The following NDUFA7 variants were observed in gnomAD, a reference collection of about 807,000 sequenced individuals.
NDUFA7 encodes NADH:ubiquinone oxidoreductase subunit A7.
NDUFA7 carries 18 observed loss-of-function variants against 14.2 expected under a neutral mutation model. That is an observed-to-expected ratio of 1.27 (90% CI 0.88 to 1.88). The LOEUF is 1.88. Ranked by LOEUF, NDUFA7 falls within the 40% of genes most tolerant of loss-of-function variation. NDUFA7 has a pLI of 0.00. For synonymous variants in NDUFA7, 75 were observed against 62.1 expected, an observed-to-expected ratio of 1.21 and a Z score of -0.98; for missense variants, 172 against 147.3, an observed-to-expected ratio of 1.17 and a Z score of -0.87.
intron 3 of NDUFA7, among the ~76,000 whole-genome samples, chr19:8,312,563 G>A (rs981714531): frequency 4.0e-5 from 6 of 151,214 alleles, no homozygotes; most frequent in East Asian, 3.9e-4. Flanking sequence ...TCACTGCAAC[G>A]TCCGCCTCCC....
chr19:8,321,203 G>A, intron 1 of NDUFA7, 105 bp downstream of exon 1: 1 of 1,334,686 alleles, frequency 7.5e-7, no homozygotes, highest in Non-Finnish European at 1.0e-6. Context: ...GAGATTCGGG[G>A]AGAGCGAAGG....
intron 1 of NDUFA7, 109 bp downstream of exon 1, chr19:8,321,199 C>G (rs1970304131): frequency 7.6e-7 from 1 of 1,318,974 alleles, no homozygotes; most frequent in East Asian, 2.5e-5. Context: ...CAGGGAGATT[C>G]GGGGAGAGCG....
chr19:8,309,260 G>A (rs532493245), downstream of NDUFA7, among the ~76,000 whole-genome samples: 7 of 152,138 alleles, frequency 4.6e-5, no homozygotes, highest in African/African-American at 1.7e-4. Context: ...GGATCACGAG[G>A]TCAGGAGTTC....
downstream of NDUFA7, chr19:8,308,979 G>A (rs1288465485): frequency 2.0e-5 from 3 of 151,512 alleles, no homozygotes; most frequent in Non-Finnish European, 4.4e-5. Context: ...CCAGCATTTT[G>A]GGAAGCAGAG....
At chr19:8,312,588 C>T (rs1334939911) in intron 3 of NDUFA7, among the ~76,000 whole-genome samples, 1 of 152,010 alleles carries the variant, frequency 6.6e-6, no homozygotes, top group Non-Finnish European at 1.5e-5. Flanking sequence ...TTGAGTGATT[C>T]TCTTGCCTCA....
downstream of NDUFA7, among the ~76,000 whole-genome samples, chr19:8,309,467 C>G (rs1390431464): frequency 1.3e-5 from 2 of 149,778 alleles, no homozygotes; most frequent in Admixed American, 1.3e-4. Flanking sequence ...GAGTGAGACT[C>G]TGTCTCAAAA....
downstream of NDUFA7, chr19:8,310,584 C>T (rs957758858): frequency 9.8e-5 from 15 of 152,310 alleles, no homozygotes; most frequent in African/African-American, 3.6e-4. Flanking sequence ...ACTCCCACCA[C>T]TCTCAAGGTC....
chr19:8,312,166 A>G (rs1367770121), intron 3 of NDUFA7, among the ~76,000 whole-genome samples: 1 of 152,210 alleles, frequency 6.6e-6, no homozygotes, highest in Admixed American at 6.5e-5. Flanking sequence ...GGGAGCCCCC[A>G]GGAGACCCTG....
intron 2 of NDUFA7, chr19:8,319,211 C>T (rs913565747): frequency 2.0e-5 from 3 of 152,044 alleles, no homozygotes; most frequent in Non-Finnish European, 2.9e-5. Flanking sequence ...AGCAAACTAC[C>T]ATGGCACGTT....
chr19:8,318,428 A>G (rs1039644115), intron 2 of NDUFA7, among the ~76,000 whole-genome samples: 2 of 151,444 alleles, frequency 1.3e-5, no homozygotes, highest in African/African-American at 4.8e-5. Context: ...GATTACAGGC[A>G]TGAGCCACCA....
intron 3 of NDUFA7, 48 bp from the exon 4 acceptor site, chr19:8,311,643 A>T: frequency 6.4e-7 from 1 of 1,554,216 alleles, no homozygotes; most frequent in South Asian, 1.1e-5. Context: ...AACAGTGTGG[A>T]AAGATCTGAG....
rs190248312 is a variant in NDUFA7, at chr19:8,313,017, G to C, written c.252-1422C>G. Among the ~76,000 whole-genome samples the C allele has an allele frequency of 1.2e-4, 18 of 152,162 alleles. No individual in the cohort carries two copies. In the East Asian group the frequency reaches 1.4e-3, roughly 11 times the overall value. On this transcript the variant is annotated intron_variant, in intron 3 of 3. Transcript: ENST00000301457. ...TCGCCCTGTTGGCCAGGCTGGTGTCGATCTCCTGACCCCTAGTGATCCTCT... is the reference window on the plus strand; with the variant it reads ...TCGCCCTGTTGGCCAGGCTGGTGTCCATCTCCTGACCCCTAGTGATCCTCT...
downstream of NDUFA7, among the ~76,000 whole-genome samples, chr19:8,309,953 C>A (rs1907216421): frequency 6.6e-6 from 1 of 152,220 alleles, no homozygotes; most frequent in Non-Finnish European, 1.5e-5. Flanking sequence ...ACAGCCCCAG[C>A]ATAATGGGAT....
chr19:8,311,304 T>G lies in NDUFA7; in HGVS notation c.*201A>C. Reference sequence around the variant, plus strand: ...CCTGTAATCCCAGCACTTTGGGAGGTCAAGGCAGGAGGATCGCTTGAGGCC... The same window carrying G: ...CCTGTAATCCCAGCACTTTGGGAGGGCAAGGCAGGAGGATCGCTTGAGGCC... On this transcript the variant is annotated 3_prime_UTR_variant, in exon 4 of 4. Coordinates refer to ENST00000301457, the MANE Select transcript of NDUFA7 (RefSeq NM_005001.5). The G allele has an allele frequency of 2.6e-6, 1 of 378,382 alleles. No homozygotes were observed. The highest frequency in any genetic ancestry group is 3.5e-5 in the South Asian group (1 of 28,330). 23.4% of individuals were successfully genotyped at this position (378,382 alleles called of 1,614,324 possible). A position where few individuals can be genotyped will look rare whatever the true frequency, so the allele number is the denominator to read the frequency against.
At chr19:8,316,944 T>C in intron 2 of NDUFA7, 1 of 264,044 alleles carries the variant, frequency 3.8e-6, no homozygotes, top group Non-Finnish European at 7.1e-6. Context: ...GCCCGGGACA[T>C]GTCCCCATGC....
chr19:8,316,728 A>G (rs1970240265), intron 2 of NDUFA7, 83 bp from the exon 3 acceptor site: 5 of 1,522,124 alleles, frequency 3.3e-6, no homozygotes, highest in Non-Finnish European at 3.6e-6. Flanking sequence ...CCTCAGTCAC[A>G]AAATGTGGGA....
chr19:8,312,509 C>T (rs1482296528), intron 3 of NDUFA7, among the ~76,000 whole-genome samples: 1 of 152,180 alleles, frequency 6.6e-6, no homozygotes, highest in Non-Finnish European at 1.5e-5. Flanking sequence ...GAGACAGACT[C>T]TTGCTCTGTC....
chr19:8,321,148 G>C, intron 1 of NDUFA7, 160 bp downstream of exon 1: 3 of 1,017,522 alleles, frequency 2.9e-6, no homozygotes, highest in Non-Finnish European at 4.2e-6. Flanking sequence ...CCCAGGCCAG[G>C]AGAGGGTCCC....
At chr19:8,320,018 G>T (rs972647359) in intron 2 of NDUFA7, among the ~76,000 whole-genome samples, 4 of 151,892 alleles carry the variant, frequency 2.6e-5, no homozygotes, top group African/African-American at 7.3e-5. Flanking sequence ...GCTAATTTTT[G>T]TATTTCTAGT....
Sources: gnomAD v4.1 joint callset for allele counts (sites outside exome capture counted in the v4.1 genomes callset) on GRCh38, gnomAD v4.1.1 for gene constraint, MANE v1.5 for transcripts, NCBI Gene and HGNC (gene_info 2026-07-23, HGNC 2026-07-21) for gene names.